AGRN: variants seen among roughly 807,000 people sequenced by gnomAD.
AGRN encodes agrin proteoglycan.
In AGRN, 106 loss-of-function variants were observed where a neutral mutation model predicts 211.0. That is an observed-to-expected ratio of 0.50 (90% CI 0.43 to 0.59). AGRN has a LOEUF of 0.59. AGRN is among the 20% of genes least tolerant of loss of function. AGRN has a pLI of 0.00. For synonymous variants in AGRN, 1,525 were observed against 1,332.5 expected, an observed-to-expected ratio of 1.14 and a Z score of -3.15; for missense variants, 3,040 against 2,982.6, an observed-to-expected ratio of 1.02 and a Z score of -0.45.
intron 3 of AGRN, among the ~76,000 whole-genome samples, chr1:1,038,521 G>C (rs1272369600): frequency 1.3e-5 from 2 of 152,258 alleles, no homozygotes; most frequent in Non-Finnish European, 2.9e-5. Context: ...GCAGGACCTC[G>C]GGCTGGACTA....
Position 1,020,360 on chromosome 1 carries a change from C to T in AGRN, c.188C>T (p.Thr63Met). ...CTCAACGTGGACCCGGTGCAGCACACGTACTCCTGCAAGGTGCGCCCACCC... is the reference window on the plus strand; with the variant it reads ...CTCAACGTGGACCCGGTGCAGCACATGTACTCCTGCAAGGTGCGCCCACCC... The part of the protein sequence containing the change: ...EILNVDPVQH[T>M]YSCKVRVWRY... The change falls in exon 1 of 36, where the codon ACG becomes ATG. Residue 63 changes from threonine (T) to methionine (M), a missense_variant. By Grantham distance (81) the Thr-to-Met change is moderately conservative. Transcript: ENST00000379370. 6.7e-7 allele frequency: 1 copy of T among 1,497,410 alleles called. No individual in the cohort carries two copies. The highest frequency in any genetic ancestry group is 8.9e-7 in the Non-Finnish European group (1 of 1,122,142). 92.8% of individuals were successfully genotyped at this position (1,497,410 alleles called of 1,614,324 possible). A position where few individuals can be genotyped will look rare whatever the true frequency, so the allele number is the denominator to read the frequency against.
chr1:1,043,336 C>G lies in AGRN; in HGVS notation c.1482C>G (p.Cys494Trp). 2 of 1,607,448 alleles carry G rather than the reference C, an allele frequency of 1.2e-6. No homozygotes were observed. The highest frequency in any genetic ancestry group is 1.7e-6 in the Non-Finnish European group (2 of 1,178,316). Residue 494 changes from cysteine (C) to tryptophan (W), a missense_variant, in exon 8 of 36, where the codon TGC (cysteine) becomes TGG (tryptophan). By Grantham distance (215) the Cys-to-Trp change is radical. Around this residue, in one of 3 missense-constraint regions of AGRN, gnomAD observed 1,498 missense variants for 1,457.8 expected, o/e 1.03. Transcript: ENST00000379370. Reference sequence around the variant, plus strand: ...CAGCGTGTGAATGCCTGCAGGCGTGCTCGAGCCTCTACGATCCTGTGTGCG... The same window carrying G: ...CAGCGTGTGAATGCCTGCAGGCGTGGTCGAGCCTCTACGATCCTGTGTGCG... ...GQAACECLQACSSLYDPVCGS... is the reference protein window; with the variant it reads ...GQAACECLQAWSSLYDPVCGS...
At chr1:1,054,101 G>T in intron 34 of AGRN, 124 bp downstream of exon 34, 1 of 1,048,954 alleles carries the variant, frequency 9.5e-7, no homozygotes, top group Non-Finnish European at 1.4e-6. Context: ...CTGAGCCGAG[G>T]TCACTGCCAG....
chr1:1,020,358 C>T lies in AGRN; in HGVS notation c.186C>T (p.His62=). Residue 62 remains histidine (H), a synonymous_variant, in exon 1 of 36, where the codon CAC becomes CAT. Transcript: ENST00000379370. ...EEILNVDPVQ[H]TYSCKVRVWR... ...TCCTCAACGTGGACCCGGTGCAGCA[C>T]ACGTACTCCTGCAAGGTGCGCCCAC... 3 of 1,499,180 alleles carry T rather than the reference C, an allele frequency of 2.0e-6. No individual in the cohort carries two copies. Among genetic ancestry groups the T allele is most frequent in the Non-Finnish European group, 2.7e-6 (3 of 1,123,060 alleles). The allele number at this position is 1,499,180 out of a possible 1,614,324, so 92.9% of individuals were successfully genotyped here.
In AGRN at chr1:1,048,183, G is replaced by A. The variant is rs771823174; in HGVS notation, c.3923G>A (p.Arg1308His). 2.5e-5 allele frequency: 40 copies of A among 1,571,204 alleles called. No homozygotes were observed. The African/African-American group carries it at 3.9e-4, about 15-fold the overall frequency. The change falls in exon 23 of 36, where the codon CGT becomes CAT. Residue 1308 changes from arginine to histidine, a missense_variant. Physicochemically the swap from Arg to His is conservative, Grantham distance 29. Around this residue, in one of 3 missense-constraint regions of AGRN, gnomAD observed 1,537 missense variants for 1,505.0 expected, o/e 1.02. Coordinates refer to ENST00000379370, the MANE Select transcript of AGRN (RefSeq NM_198576.4). This position sits in a 1 kb window ranked among gnomAD's most constrained non-coding sequence, Gnocchi z 5.9. ...VAKTTAAPTT[R>H]RPPTTAPSRV... ...AAGACCACGGCAGCCCCCACCACACGTCGGCCCCCCACCACTGCCCCCAGC... is the reference window on the plus strand; with the variant it reads ...AAGACCACGGCAGCCCCCACCACACATCGGCCCCCCACCACTGCCCCCAGC...
intron 7 of AGRN, 116 bp downstream of exon 7, chr1:1,042,278 C>A: frequency 2.3e-6 from 3 of 1,305,880 alleles, no homozygotes; most frequent in East Asian, 2.5e-5. Flanking sequence ...GGGAGTGGGC[C>A]GGTCCCTCTG....
chr1:1,041,549 A>C lies in AGRN; in HGVS notation c.1024A>C (p.Met342Leu). ...GAACCCGCGCACGCGGCGCCCTGAGATGCTCCTACGGCCCGAGAGCTGCCC... is the reference window on the plus strand; with the variant it reads ...GAACCCGCGCACGCGGCGCCCTGAGCTGCTCCTACGGCCCGAGAGCTGCCC... ...RVNPRTRRPE[M>L]LLRPESCPAR... The change falls in exon 6 of 36, where the codon ATG becomes CTG. Residue 342 changes from methionine (M) to leucine (L), a missense_variant. This residue lies in a region of AGRN where 1,498 missense variants were observed against 1,457.8 expected (regional missense o/e 1.03). Transcript: ENST00000379370. 1 of 1,607,774 alleles carries C rather than the reference A, an allele frequency of 6.2e-7. No homozygotes were observed.
chr1:1,051,176 G>C, intron 30 of AGRN, 77 bp from the exon 31 acceptor site: 1 of 1,438,556 alleles, frequency 7.0e-7, no homozygotes, highest in Admixed American at 2.0e-5. Flanking sequence ...GGGTGGGGCG[G>C]GTGCGTGCAG....
Position 1,051,306 on chromosome 1 carries a change from C to G in AGRN, c.5307C>G (p.Pro1769=). ...LKEPLYVGGA[P]DFSKLARAAA... ...AGCCGCTCTACGTAGGGGGCGCTCC[C>G]GACTTCAGCAAGCTGGCCCGTGCTG... is the stretch of plus-strand genomic sequence containing the variant. Residue 1769 remains proline, a synonymous_variant, in exon 31 of 36, where the codon CCC becomes CCG. Coordinates refer to ENST00000379370, the MANE Select transcript of AGRN (RefSeq NM_198576.4). 6.4e-7 allele frequency: 1 copy of G among 1,572,170 alleles called. No individual in the cohort carries two copies. The highest frequency in any genetic ancestry group is 8.6e-7 in the Non-Finnish European group (1 of 1,159,582).
chr1:1,051,863 G>A lies in AGRN; in HGVS notation c.5651+48G>A, dbSNP rs774293268. 5 of 1,609,136 alleles carry A rather than the reference G, an allele frequency of 3.1e-6. No individual in the cohort carries two copies. The East Asian group carries it at 8.9e-5, about 29-fold the overall frequency. ...CTGTCGGTTCCATCTGTGCCCTCGG[G>A]GCGGGACACCGGACCCCCACACCAG... On this transcript the variant is annotated intron_variant, in intron 33 of 35. Coordinates refer to ENST00000379370, the MANE Select transcript of AGRN (RefSeq NM_198576.4).
At position 1,043,519 on chromosome 1, in the gene AGRN, G is replaced by T; in HGVS notation, c.1604-19G>T. On this transcript the variant is annotated intron_variant, in intron 8 of 35. Transcript: ENST00000379370. ...AGAGAGAGGTTCCTGGTCGCCTGGT[G>T]ATGGAAGCTCCTCCCCAGACCGCTG... 3.1e-6 allele frequency: 5 copies of T among 1,602,698 alleles called. No individual in the cohort carries two copies. The highest frequency in any genetic ancestry group is 2.7e-5 in the African/African-American group (2 of 75,034).
At position 1,041,327 on chromosome 1, in the gene AGRN, C is replaced by G. The variant is rs1218444564; in HGVS notation, c.882C>G (p.Gly294=). ...VCGSDGADYP[G]ECQLLRRACA... is the part of the protein sequence containing the mutation. The stretch of plus-strand genomic sequence containing the variant: ...GCAGCGACGGCGCCGACTACCCCGG[C>G]GAGTGCCAGCTCCTGCGCCGCGCCT... The change falls in exon 5 of 36, where the codon GGC becomes GGG. Residue 294 remains glycine (G), a synonymous_variant. Transcript: ENST00000379370. The G allele has an allele frequency of 2.0e-6, 3 of 1,526,200 alleles. No individual in the cohort carries two copies. The highest frequency in any genetic ancestry group is 1.7e-6 in the Non-Finnish European group (2 of 1,143,324). 94.5% of individuals were successfully genotyped at this position (1,526,200 alleles called of 1,614,324 possible).
chr1:1,039,071 C>T (rs1320014955), intron 3 of AGRN, among the ~76,000 whole-genome samples: 1 of 152,212 alleles, frequency 6.6e-6, no homozygotes, highest in Non-Finnish European at 1.5e-5. Context: ...GAGGTAGGTC[C>T]TATTGCTCCT....
rs1224886218 is a variant in AGRN at position 1,045,250 on chromosome 1, C to T, written c.2344C>T (p.Arg782Trp). The change falls in exon 13 of 36, where the codon CGG (arginine) becomes TGG (tryptophan). Residue 782 changes from arginine (R) to tryptophan (W), a missense_variant. Arg to Trp is a moderately radical substitution (Grantham distance 101). Around this residue, in one of 3 missense-constraint regions of AGRN, gnomAD observed 1,498 missense variants for 1,457.8 expected, o/e 1.03. Transcript: ENST00000379370. ...GCCQDNITAARGVGLAGCPSA... is the reference protein window; with the variant it reads ...GCCQDNITAAWGVGLAGCPSA... ...CTGCCAGGACAATATCACCGCAGCC[C>T]GGGGCGTGGGCCTGGCTGGCTGCCC... 8.1e-6 allele frequency: 13 copies of T among 1,611,510 alleles called. No homozygotes were observed. Among genetic ancestry groups the T allele is most frequent in the African/African-American group, 2.7e-5 (2 of 74,906 alleles).
chr1:1,036,073 C>T (rs1323099654), intron 3 of AGRN, among the ~76,000 whole-genome samples: 2 of 152,122 alleles, frequency 1.3e-5, no homozygotes, highest in Non-Finnish European at 2.9e-5. Flanking sequence ...GCACCTGCCC[C>T]ATCACTGGGT....
chr1:1,039,769 T>G (rs1270781789), intron 3 of AGRN, among the ~76,000 whole-genome samples: 3 of 146,450 alleles, frequency 2.0e-5, no homozygotes, highest in African/African-American at 5.1e-5. Context: ...TGACAGAGAG[T>G]GAGGGCGATG....
At chr1:1,053,290 CAAG>C in intron 33 of AGRN, 2 of 473,910 alleles carry the variant, frequency 4.2e-6, no homozygotes, top group Non-Finnish European at 6.9e-6. Flanking sequence ...CGTGTCCGCA[CAAG>C]CATGTGTAGG....
chr1:1,024,951 C>A (rs764413492), intron 2 of AGRN, among the ~76,000 whole-genome samples: 192 of 152,308 alleles, frequency 1.3e-3, no homozygotes, highest in Non-Finnish European at 2.1e-3. Context: ...TGCCAGCTGC[C>A]CAGGGCTGGC....
chr1:1,037,730 G>A (rs1247010777), intron 3 of AGRN, among the ~76,000 whole-genome samples: 1 of 152,244 alleles, frequency 6.6e-6, no homozygotes, highest in Non-Finnish European at 1.5e-5. Flanking sequence ...GGCCATGTGG[G>A]CAGGTGACCG....
Sources: allele counts gnomAD v4.1 joint callset (sites outside exome capture counted in the v4.1 genomes callset), GRCh38; gene constraint gnomAD v4.1.1; regional missense constraint gnomAD v4.1.1; non-coding constraint Gnocchi (gnomAD v3.1); transcripts MANE v1.5; gene names NCBI Gene and HGNC (gene_info 2026-07-23, HGNC 2026-07-21).